COL24A1: variants seen among roughly 807,000 people sequenced by gnomAD.
The protein encoded by COL24A1 is collagen type XXIV alpha 1 chain, also known as collagen alpha-1(XXIV) chain.
COL24A1 carries 224 observed loss-of-function variants against 253.9 expected under a neutral mutation model. The ratio of observed to expected loss-of-function variants is 0.88; its 90% CI spans 0.79 to 0.99. The LOEUF is 0.99. Ranked by LOEUF, COL24A1 falls within the 50% of genes least tolerant of loss-of-function variation. The pLI is 0.00. For synonymous variants in COL24A1, 685 were observed against 673.7 expected, an observed-to-expected ratio of 1.02 and a Z score of -0.26; for missense variants, 2,131 against 2,068.5, an observed-to-expected ratio of 1.03 and a Z score of -0.59.
At chr1:86,097,462 TCCCTCCTCC>T (rs1704002998) in intron 5 of COL24A1, among the ~76,000 whole-genome samples, 1 of 34,712 alleles carries the variant, frequency 2.9e-5, no homozygotes, top group Non-Finnish European at 7.5e-5. Flanking sequence ...CTCCTCTTCC[TCCCTCCTCC>T]TCCTCCCTCC....
chr1:86,019,720 C>A (rs1234978632), intron 18 of COL24A1, among the ~76,000 whole-genome samples: 1 of 152,034 alleles, frequency 6.6e-6, no homozygotes, highest in African/African-American at 2.4e-5. Flanking sequence ...AAAAAAAAAT[C>A]AATTATCTCC....
intron 55 of COL24A1, among the ~76,000 whole-genome samples, chr1:85,757,707 GTCAA>G (rs1666412311): frequency 6.6e-6 from 1 of 152,122 alleles, no homozygotes; most frequent in African/African-American, 2.4e-5. Flanking sequence ...GCACATAGCA[GTCAA>G]TCAATTTGTT....
chr1:85,831,054 C>T (rs1675209924), intron 43 of COL24A1, among the ~76,000 whole-genome samples: 1 of 152,088 alleles, frequency 6.6e-6, no homozygotes, highest in Non-Finnish European at 1.5e-5. Context: ...AAAATGAAAT[C>T]TGTTTAAGGA....
intron 48 of COL24A1, 113 bp from the exon 49 acceptor site, chr1:85,784,479 C>A: frequency 4.4e-6 from 3 of 676,664 alleles, no homozygotes; most frequent in Non-Finnish European, 7.6e-6. Context: ...AAATACAAGG[C>A]ACTGGGGAAA....
chr1:85,932,191 A>T (rs1010766527), intron 24 of COL24A1, among the ~76,000 whole-genome samples: 4 of 93,060 alleles, frequency 4.3e-5, no homozygotes, highest in African/African-American at 1.6e-4. Flanking sequence ...TACTCATCTG[A>T]CAAAGGGCTA....
intron 1 of COL24A1, among the ~76,000 whole-genome samples, chr1:86,150,279 G>A (rs1652573629): frequency 6.6e-6 from 1 of 152,086 alleles, no homozygotes; most frequent in Non-Finnish European, 1.5e-5. Flanking sequence ...ACTCCTATAA[G>A]TCCTACCTTT....
intron 48 of COL24A1, among the ~76,000 whole-genome samples, chr1:85,785,259 A>C (rs1669560850): frequency 6.6e-6 from 1 of 152,218 alleles, no homozygotes; most frequent in African/African-American, 2.4e-5. Flanking sequence ...GTACATACTT[A>C]ATCAACATTA....
At chr1:85,885,926 A>G (rs904178614) in intron 32 of COL24A1, among the ~76,000 whole-genome samples, 3 of 152,052 alleles carry the variant, frequency 2.0e-5, no homozygotes, top group African/African-American at 7.2e-5. Context: ...CTTCAGCTCT[A>G]TTTGTCAGGT....
At chr1:86,126,267 T>C in intron 2 of COL24A1, 53 bp from the exon 3 acceptor site, 1 of 1,466,898 alleles carries the variant, frequency 6.8e-7, no homozygotes, top group Non-Finnish European at 9.1e-7. Flanking sequence ...TGGATTCAAG[T>C]GTTCATATAA....
intron 52 of COL24A1, among the ~76,000 whole-genome samples, chr1:85,779,100 G>A (rs1310610883): frequency 1.3e-5 from 2 of 151,782 alleles, no homozygotes; most frequent in Admixed American, 1.3e-4. Context: ...GGAACTCCTG[G>A]GCTCAAGCAA....
chr1:86,004,460 C>CACA (rs1695739034), intron 19 of COL24A1, among the ~76,000 whole-genome samples: 1 of 152,124 alleles, frequency 6.6e-6, no homozygotes, highest in African/African-American at 2.4e-5. Context: ...AGCATCCAGC[C>CACA]TCACATAACA....
intron 43 of COL24A1, among the ~76,000 whole-genome samples, chr1:85,824,579 T>C (rs1279747824): frequency 2.0e-5 from 3 of 152,134 alleles, no homozygotes; most frequent in East Asian, 1.9e-4. Context: ...TGGGAGGTAT[T>C]ACTATAATAC....
chr1:85,957,789 C>T (rs556146138), intron 24 of COL24A1, among the ~76,000 whole-genome samples: 2 of 152,164 alleles, frequency 1.3e-5, no homozygotes, highest in Non-Finnish European at 2.9e-5. Flanking sequence ...TGATCTTAAA[C>T]CTCAAACTAA....
intron 19 of COL24A1, among the ~76,000 whole-genome samples, chr1:85,998,200 C>T (rs913850079): frequency 6.6e-6 from 1 of 152,190 alleles, no homozygotes; most frequent in South Asian, 2.1e-4. Flanking sequence ...TGTGCTTTTA[C>T]AAATGCTGTT....
intron 2 of COL24A1, 44 bp downstream of exon 2, chr1:86,146,075 A>G (rs754945794): frequency 2.7e-6 from 4 of 1,496,020 alleles, no homozygotes; most frequent in South Asian, 2.4e-5. Context: ...GTCTGGAAGT[A>G]GAATTTTTAA....
chr1:86,094,787 T>G (rs1474010026), intron 5 of COL24A1, among the ~76,000 whole-genome samples: 2 of 149,982 alleles, frequency 1.3e-5, no homozygotes, highest in African/African-American at 5.1e-5. Flanking sequence ...TTTAAAAACT[T>G]AACTCATCAT....
chr1:86,123,420 A>G (rs141180862), intron 3 of COL24A1, among the ~76,000 whole-genome samples: 1 of 152,132 alleles, frequency 6.6e-6, no homozygotes, highest in East Asian at 1.9e-4. Context: ...CTTTACTACA[A>G]GATATATTAA....
chr1:85,961,113 A>C (rs145026944), intron 24 of COL24A1, 136 bp downstream of exon 24: 9 of 681,316 alleles, frequency 1.3e-5, no homozygotes, highest in Non-Finnish European at 2.3e-5. Context: ...AAACATCACA[A>C]GTAAGTTTAA....
chr1:85,991,230 A>G (rs1177222402), intron 19 of COL24A1, among the ~76,000 whole-genome samples: 1 of 152,232 alleles, frequency 6.6e-6, no homozygotes, highest in East Asian at 1.9e-4. Context: ...CCATGAGACT[A>G]TAATCAGCAA....
Sources: gnomAD v4.1 joint callset for allele counts (sites outside exome capture counted in the v4.1 genomes callset) on GRCh38, gnomAD v4.1.1 for gene constraint, MANE v1.5 for transcripts, NCBI Gene and HGNC (gene_info 2026-07-23, HGNC 2026-07-21) for gene names.